The following HERC2 variants were observed in gnomAD, a reference collection of about 807,000 sequenced individuals.
HERC2 encodes the protein E3 ubiquitin-protein ligase HERC2.
Under a neutral mutation model 537.7 loss-of-function variants are expected in HERC2, and 102 were observed. The ratio of observed to expected loss-of-function variants is 0.19; its 90% CI spans 0.16 to 0.22. HERC2 has a LOEUF of 0.22. HERC2 is among the 10% of genes least tolerant of loss of function. The probability of loss-of-function intolerance (pLI) is 1.00; values close to 1 mark genes in which losing one functional copy is unlikely to be tolerated. For synonymous variants in HERC2, 2,224 were observed against 2,466.2 expected, an observed-to-expected ratio of 0.90 and a Z score of 2.91; for missense variants, 4,236 against 6,198.2, an observed-to-expected ratio of 0.68 and a Z score of 10.63.
In HERC2 at chr15:28,194,003, A is replaced by G. The variant is rs955466847; in HGVS notation, c.8261-1852T>C. Among the ~76,000 whole-genome samples the G allele has an allele frequency of 2.0e-5, 3 of 152,064 alleles. No individual in the cohort carries two copies. The South Asian group carries it at 6.2e-4, about 31-fold the overall frequency. On this transcript the variant is annotated intron_variant, in intron 52 of 92. Coordinates refer to ENST00000261609, the MANE Select transcript of HERC2 (RefSeq NM_004667.6). ...GAGAAATTACAAAGTATGCAGAAAA[A>G]TCTAAATGAATATTGACTACATAAA...
At position 28,113,226 on chromosome 15, in the gene HERC2, C is replaced by T. The variant is rs774202577; in HGVS notation, c.14077G>A (p.Gly4693Ser). 1 of 1,614,144 alleles carries T rather than the reference C, an allele frequency of 6.2e-7. No individual in the cohort carries two copies. The highest frequency in any genetic ancestry group is 8.5e-7 in the Non-Finnish European group (1 of 1,180,032). The stretch of plus-strand genomic sequence containing the variant: ...ATCAGCGATGCGGAAGGCTCGATGC[C>T]TTTATAGGTGGCCACCGACTTGAGA... ...HLLKSVATYK[G>S]IEPSASLIQW... The change falls in exon 92 of 93, where the codon GGC (glycine) becomes AGC (serine). Residue 4693 changes from glycine to serine, a missense_variant. By Grantham distance (56) the Gly-to-Ser change is moderately conservative (BLOSUM62 0). This residue lies in a region of HERC2 where 313 missense variants were observed against 462.6 expected (regional missense o/e 0.68). Transcript: ENST00000261609. This position sits in a 1 kb window ranked among gnomAD's most constrained non-coding sequence, Gnocchi z 7.0.
rs546554666 is a variant in HERC2 at position 28,122,278 on chromosome 15, C to T, written c.13189-849G>A. Among the ~76,000 whole-genome samples, 10 of 152,340 alleles carry T rather than the reference C, an allele frequency of 6.6e-5. No homozygotes were observed. The South Asian group carries it at 1.9e-3, about 28-fold the overall frequency. ...TGGGGAAAGGGCAGAGGATGCGGCA[C>T]GCAGCCGTGCCAATGGAAAGGGATG... On this transcript the variant is annotated intron_variant, in intron 85 of 92. Coordinates refer to ENST00000261609, the MANE Select transcript of HERC2 (RefSeq NM_004667.6). This position sits in a 1 kb window ranked among gnomAD's most constrained non-coding sequence, Gnocchi z 4.1.
At chr15:28,241,450 T>C (rs1283499345) in intron 23 of HERC2, among the ~76,000 whole-genome samples, 2 of 152,128 alleles carry the variant, frequency 1.3e-5, no homozygotes, top group Non-Finnish European at 2.9e-5. Context: ...CGAAAAACAC[T>C]ATGGCAACCC....
At chr15:28,235,732 C>T (rs1438355123) in intron 26 of HERC2, among the ~76,000 whole-genome samples, 1 of 152,154 alleles carries the variant, frequency 6.6e-6, no homozygotes, top group Non-Finnish European at 1.5e-5. Flanking sequence ...TGTAACATGA[C>T]CTGCTTAGAA....
chr15:28,286,027 T>A (rs1215534203), intron 4 of HERC2, among the ~76,000 whole-genome samples: 1 of 151,922 alleles, frequency 6.6e-6, no homozygotes. Flanking sequence ...ACTGAATTCA[T>A]AATTCAAAGA....
At chr15:28,185,830 A>C (rs1053171771) in intron 56 of HERC2, among the ~76,000 whole-genome samples, 2 of 152,240 alleles carry the variant, frequency 1.3e-5, no homozygotes, top group African/African-American at 4.8e-5. Context: ...CCAAAGGCCT[A>C]ATAGCACACT....
chr15:28,134,993 G>C (rs1019830363), intron 79 of HERC2, among the ~76,000 whole-genome samples: 1 of 152,148 alleles, frequency 6.6e-6, no homozygotes, highest in Non-Finnish European at 1.5e-5. Flanking sequence ...ATTTTATATG[G>C]TGGTTTAGTT....
chr15:28,170,337 T>TC (rs1261199816), intron 65 of HERC2, among the ~76,000 whole-genome samples: 1 of 152,184 alleles, frequency 6.6e-6, no homozygotes, highest in Non-Finnish European at 1.5e-5. Context: ...ATCAATGGAA[T>TC]AAACAGAGAA....
rs765984172 is a variant in HERC2 at position 28,113,251 on chromosome 15, A to C, written c.14052T>G (p.Leu4684=). ...VCGSPDIPLH[L]LKSVATYKGI... is the part of the protein sequence containing the mutation. The stretch of plus-strand genomic sequence containing the variant: ...CTTTATAGGTGGCCACCGACTTGAG[A>C]AGGTGCAGCGGGATGTCAGGGCTGC... Residue 4684 remains leucine, a synonymous_variant, in exon 92 of 93, where the codon CTT becomes CTG. Coordinates refer to ENST00000261609, the MANE Select transcript of HERC2 (RefSeq NM_004667.6). The surrounding 1 kb of genome is among the most constrained non-coding windows in gnomAD (Gnocchi z 7.0). The C allele has an allele frequency of 2.5e-6, 4 of 1,614,008 alleles. No homozygotes were observed. In the African/African-American group the frequency reaches 5.3e-5, roughly 22 times the overall value.
chr15:28,286,236 T>C (rs898115893), intron 4 of HERC2, among the ~76,000 whole-genome samples: 20 of 152,010 alleles, frequency 1.3e-4, no homozygotes, highest in African/African-American at 4.8e-4. Flanking sequence ...TAGAAGCTAA[T>C]AGAAGCTAAT....
rs139517177 is a variant in HERC2, at chr15:28,218,260, C to G, written c.6028+229G>C. On this transcript the variant is annotated intron_variant, in intron 38 of 92. Transcript: ENST00000261609. ...ACTCCAGAAGCTGGGGCAGAGCCCTCAAGCAGCTTCCCCCTCACAGCCCCA... is the reference window on the plus strand; with the variant it reads ...ACTCCAGAAGCTGGGGCAGAGCCCTGAAGCAGCTTCCCCCTCACAGCCCCA... Among the ~76,000 whole-genome samples the G allele has an allele frequency of 7.7e-3, 1,171 of 152,230 alleles. 20 individuals carry two copies. Among genetic ancestry groups the G allele is most frequent in the African/African-American group, 0.027 (1,111 of 41,502 alleles).
At chr15:28,313,138 T>C (rs1478941250) in intron 2 of HERC2, among the ~76,000 whole-genome samples, 2 of 147,996 alleles carry the variant, frequency 1.4e-5, no homozygotes, top group Non-Finnish European at 3.0e-5. Flanking sequence ...CTCCCATACA[T>C]AGGCCACCAA....
chr15:28,305,832 G>GA (rs1342826764), intron 2 of HERC2, among the ~76,000 whole-genome samples: 208 of 150,132 alleles, frequency 1.4e-3, no homozygotes, highest in African/African-American at 4.8e-3. Flanking sequence ...AAATTTACAA[G>GA]AAAAAAACAA....
intron 44 of HERC2, among the ~76,000 whole-genome samples, chr15:28,206,600 A>C (rs891334376): frequency 2.6e-5 from 4 of 151,676 alleles, no homozygotes; most frequent in Admixed American, 2.6e-4. Flanking sequence ...TCGGGAGGCC[A>C]AGGCGGGTGG....
intron 86 of HERC2, chr15:28,117,494 C>A (rs533915686): frequency 1.7e-6 from 1 of 604,346 alleles, no homozygotes; most frequent in African/African-American, 1.8e-5. Flanking sequence ...CACGGACCAT[C>A]CTCACACCCT....
At chr15:28,258,323 T>G (rs995189167) in intron 16 of HERC2, among the ~76,000 whole-genome samples, 1 of 151,892 alleles carries the variant, frequency 6.6e-6, no homozygotes, top group Non-Finnish European at 1.5e-5. Context: ...TACAAAAAAA[T>G]TAGCCAAGCA....
At chr15:28,252,465 T>C (rs372405120) in intron 20 of HERC2, among the ~76,000 whole-genome samples, 38 of 152,258 alleles carry the variant, frequency 2.5e-4, no homozygotes, top group African/African-American at 7.0e-4. Context: ...CTCTGGAAAA[T>C]GCTCACTTTA....
intron 38 of HERC2, among the ~76,000 whole-genome samples, chr15:28,218,261 A>T (rs1171899409): frequency 6.6e-6 from 1 of 152,072 alleles, no homozygotes; most frequent in East Asian, 1.9e-4. Context: ...CAGAGCCCTC[A>T]AGCAGCTTCC....
chr15:28,311,291 T>A (rs1489063887), intron 2 of HERC2, among the ~76,000 whole-genome samples: 2 of 149,788 alleles, frequency 1.3e-5, no homozygotes, highest in Non-Finnish European at 3.0e-5. Flanking sequence ...ACGGTGAAAC[T>A]CGGTCTCTAC....
Sources: gnomAD v4.1 joint callset for allele counts (sites outside exome capture counted in the v4.1 genomes callset) on GRCh38, gnomAD v4.1.1 for gene constraint, gnomAD v4.1.1 regional missense constraint, Gnocchi (gnomAD v3.1) non-coding constraint, MANE v1.5 for transcripts, NCBI Gene and HGNC (gene_info 2026-07-23, HGNC 2026-07-21) for gene names.